The following FOCAD variants were observed in gnomAD, a reference collection of about 807,000 sequenced individuals.
FOCAD encodes focadhesin.
FOCAD carries 198 observed loss-of-function variants against 225.6 expected under a neutral mutation model. The observed-to-expected ratio is 0.88, with a 90% confidence interval of 0.78 to 0.99. The LOEUF is 0.99. Among genes scored for constraint, FOCAD ranks in the 50% least tolerant of loss-of-function variants. The pLI, the probability that FOCAD is intolerant of heterozygous loss-of-function variation, is 0.00. For synonymous variants in FOCAD, 897 were observed against 755.0 expected, an observed-to-expected ratio of 1.19 and a Z score of -3.08; for missense variants, 2,713 against 2,123.6, an observed-to-expected ratio of 1.28 and a Z score of -5.46.
chr9:20,696,499 C>T (rs145010031), intron 1 of FOCAD, among the ~76,000 whole-genome samples: 1 of 152,228 alleles, frequency 6.6e-6, no homozygotes, highest in African/African-American at 2.4e-5. Flanking sequence ...TCTCAAAATT[C>T]ATGTTTAAAT....
At chr9:20,831,198 T>C (rs1052584581) in intron 15 of FOCAD, among the ~76,000 whole-genome samples, 1 of 152,120 alleles carries the variant, frequency 6.6e-6, no homozygotes, top group Admixed American at 6.6e-5. Flanking sequence ...AAGGTTATTG[T>C]CTGTTCCCAA....
chr9:20,946,621 A>G (rs547427343), intron 29 of FOCAD, 80 bp from the exon 30 acceptor site: 1 of 1,489,096 alleles, frequency 6.7e-7, no homozygotes, highest in Non-Finnish European at 9.0e-7. Flanking sequence ...GGGGAGTTTG[A>G]CAGAATATCT....
intron 21 of FOCAD, among the ~76,000 whole-genome samples, chr9:20,905,924 C>T (rs1832919411): frequency 9.2e-6 from 1 of 108,414 alleles, no homozygotes; most frequent in South Asian, 3.5e-4. Flanking sequence ...CTGTTTTATA[C>T]TGTTTGAGAT....
intron 21 of FOCAD, among the ~76,000 whole-genome samples, chr9:20,894,936 C>T (rs915691575): frequency 1.3e-5 from 2 of 151,960 alleles, no homozygotes; most frequent in African/African-American, 2.4e-5. Context: ...GTGTTATCTT[C>T]TAGGAATGTT....
intron 19 of FOCAD, among the ~76,000 whole-genome samples, chr9:20,880,580 A>G (rs181088946): frequency 8.7e-4 from 132 of 152,306 alleles, no homozygotes; most frequent in African/African-American, 3.1e-3. Context: ...GAGGATAGAT[A>G]AGAAGGAGTA....
rs181643868 is a variant in FOCAD at position 20,720,117 on chromosome 9, C to T, written c.133-263C>T. ...TTAGCTTTGTTGTGTTGCTTGAACTCGGGTCATACCTCTGCCTGCAGCCAG... is the reference window on the plus strand; with the variant it reads ...TTAGCTTTGTTGTGTTGCTTGAACTTGGGTCATACCTCTGCCTGCAGCCAG... On this transcript the variant is annotated intron_variant, in intron 3 of 43. Coordinates refer to ENST00000338382, the MANE Select transcript of FOCAD (RefSeq NM_001375567.1). Among the ~76,000 whole-genome samples the T allele has an allele frequency of 2.2e-3, 338 of 152,218 alleles. 1 individual carries two copies. Among genetic ancestry groups the T allele is most frequent in the African/African-American group, 7.7e-3 (319 of 41,540 alleles).
intron 5 of FOCAD, among the ~76,000 whole-genome samples, chr9:20,743,097 G>A (rs543570990): frequency 2.9e-4 from 44 of 152,292 alleles, no homozygotes; most frequent in Middle Eastern, 3.4e-3. Context: ...ATGATTACCT[G>A]AGTCAATCAT....
intron 26 of FOCAD, among the ~76,000 whole-genome samples, chr9:20,927,499 C>T (rs1037366916): frequency 6.6e-6 from 1 of 151,860 alleles, no homozygotes; most frequent in African/African-American, 2.4e-5. Flanking sequence ...GTTAAATACT[C>T]TATAAATACA....
intron 4 of FOCAD, among the ~76,000 whole-genome samples, chr9:20,729,000 C>G (rs1266372624): frequency 2.0e-5 from 3 of 152,150 alleles, no homozygotes; most frequent in Non-Finnish European, 4.4e-5. Context: ...CTTAACATCT[C>G]TTGTATATGA....
intron 23 of FOCAD, among the ~76,000 whole-genome samples, chr9:20,915,320 A>C (rs1833778782): frequency 6.6e-6 from 1 of 152,218 alleles, no homozygotes; most frequent in Non-Finnish European, 1.5e-5. Context: ...TTCTATATTT[A>C]AAGGTGGGGA....
intron 40 of FOCAD, among the ~76,000 whole-genome samples, chr9:20,986,750 T>C (rs1841206402): frequency 6.6e-6 from 1 of 152,212 alleles, no homozygotes; most frequent in South Asian, 2.1e-4. Flanking sequence ...CCTGTTTAAC[T>C]TCAGTTTCCC....
chr9:20,692,024 AC>A (rs1380441757), intron 1 of FOCAD, among the ~76,000 whole-genome samples: 1 of 152,170 alleles, frequency 6.6e-6, no homozygotes, highest in Non-Finnish European at 1.5e-5. Flanking sequence ...TGCTGGGATT[AC>A]AGGTGTGAGC....
intron 7 of FOCAD, among the ~76,000 whole-genome samples, chr9:20,767,806 C>T (rs1231960716): frequency 2.7e-5 from 4 of 149,642 alleles, no homozygotes; most frequent in Non-Finnish European, 6.0e-5. Flanking sequence ...GTTTCTTTTG[C>T]TGTGCAGAAG....
At chr9:20,888,869 G>T (rs963250620) in intron 21 of FOCAD, among the ~76,000 whole-genome samples, 1 of 152,114 alleles carries the variant, frequency 6.6e-6, no homozygotes, top group Admixed American at 6.6e-5. Context: ...ATGATTTTGA[G>T]GCCTCTGCAG....
intron 5 of FOCAD, among the ~76,000 whole-genome samples, chr9:20,755,378 G>C (rs191123535): frequency 2.8e-4 from 42 of 152,298 alleles, no homozygotes; most frequent in African/African-American, 9.6e-4. Flanking sequence ...AACAAAGCTG[G>C]AGTGGCTCCC....
chr9:20,858,593 G>T (rs981128642), intron 15 of FOCAD, among the ~76,000 whole-genome samples: 1 of 151,730 alleles, frequency 6.6e-6, no homozygotes, highest in Non-Finnish European at 1.5e-5. Context: ...TTCAGTGTTC[G>T]TTTATTTCTG....
chr9:20,980,457 T>C (rs1840594276), intron 37 of FOCAD, among the ~76,000 whole-genome samples: 1 of 151,524 alleles, frequency 6.6e-6, no homozygotes, highest in Non-Finnish European at 1.5e-5. Context: ...TGTGCTACTC[T>C]GTGCATTTGT....
chr9:20,679,016 T>C (rs1462559725), intron 2 of FOCAD, among the ~76,000 whole-genome samples: 2 of 152,064 alleles, frequency 1.3e-5, no homozygotes, highest in Non-Finnish European at 2.9e-5. Flanking sequence ...GTCACAAAGA[T>C]ATCTGGGGAG....
At chr9:20,740,165 A>G (rs1300865500) in intron 4 of FOCAD, 71 bp from the exon 5 acceptor site, 14 of 978,774 alleles carry the variant, frequency 1.4e-5, no homozygotes, top group Non-Finnish European at 2.0e-5. Context: ...TTTTAAAATG[A>G]TAGGATTAAG....
Sources: allele counts gnomAD v4.1 joint callset (sites outside exome capture counted in the v4.1 genomes callset), GRCh38; gene constraint gnomAD v4.1.1; transcripts MANE v1.5; gene names NCBI Gene and HGNC (gene_info 2026-07-23, HGNC 2026-07-21).